SP110: variants seen among roughly 807,000 people sequenced by gnomAD.
The protein encoded by SP110 is interferon-induced protein 41, 30kD.
SP110 carries 62 observed loss-of-function variants against 92.7 expected under a neutral mutation model. That is an observed-to-expected ratio of 0.67 (90% confidence interval 0.55 to 0.83). The LOEUF is 0.83. Among genes scored for constraint, SP110 ranks in the 40% least tolerant of loss-of-function variants. The pLI is 0.00. For synonymous variants in SP110, 273 were observed against 305.3 expected (o/e 0.89, Z 1.10); for missense variants, 793 against 863.9 (o/e 0.92, Z 1.03).
intron 1 of SP110, among the ~76,000 whole-genome samples, chr2:230,217,954 C>T (rs951915738): frequency 2.6e-5 from 4 of 152,226 alleles, no homozygotes; most frequent in Admixed American, 6.5e-5. Context: ...GAAAGGCATA[C>T]TTAGTAAAAG....
At position 230,211,345 on chromosome 2, in the gene SP110, G is replaced by A. The variant is rs1383427358; in HGVS notation, c.751+125C>T. 1 of 740,912 alleles carries A rather than the reference G, an allele frequency of 1.3e-6. No homozygotes were observed. Among genetic ancestry groups the A allele is most frequent in the Non-Finnish European group, 2.5e-6 (1 of 407,628 alleles). 45.9% of individuals were successfully genotyped at this position (740,912 alleles called of 1,614,324 possible). On this transcript the variant is annotated intron_variant, in intron 6 of 18. Coordinates refer to ENST00000258381, the MANE Select transcript of SP110 (RefSeq NM_080424.4). The surrounding 1 kb of genome is among the most constrained non-coding windows in gnomAD (Gnocchi z 4.2). Reference sequence around the variant, plus strand: ...CAAGCTCCCAAGTGCTGGGTGAACTGGAAGCTGGGCCAAGATTGCTGAGAG... The same window carrying A: ...CAAGCTCCCAAGTGCTGGGTGAACTAGAAGCTGGGCCAAGATTGCTGAGAG...
In SP110 at chr2:230,166,246, A is replaced by G. The variant is rs965895895; in HGVS notation, c.*2878T>C. 2.0e-5 allele frequency among the ~76,000 whole-genome samples: 3 copies of G among 152,240 alleles called. No individual in the cohort carries two copies. The highest frequency in any genetic ancestry group is 2.9e-5 in the Non-Finnish European group (2 of 68,040). The stretch of plus-strand genomic sequence containing the variant: ...GAAATAGATGACTTCTTAGAAAAAC[A>G]TAAAAGCAGAGCTGTCTCAAAAACC... On this transcript the variant is annotated 3_prime_UTR_variant, in exon 19 of 19. Transcript: ENST00000258381.
intron 2 of SP110, among the ~76,000 whole-genome samples, chr2:230,215,325 A>G (rs2044997037): frequency 6.6e-6 from 1 of 152,196 alleles, no homozygotes; most frequent in South Asian, 2.1e-4. Context: ...GATGACTAGC[A>G]ACAAAAATAA....
At position 230,216,821 on chromosome 2, in the gene SP110, C is replaced by A. The variant is rs1040601439; in HGVS notation, c.107G>T (p.Gly36Val). The change falls in exon 2 of 19, where the codon GGC becomes GTC. Residue 36 changes from glycine to valine, a missense_variant. Coordinates refer to ENST00000258381, the MANE Select transcript of SP110 (RefSeq NM_080424.4). ...AIHKPFPFFE[G>V]LLDNSIITKR... ...AGTGATGATGGAGTTGTCTAGGAGG[C>A]CTTCAAAGAAGGGAAATGGCTTGTG... 2 of 1,614,062 alleles carry A rather than the reference C, an allele frequency of 1.2e-6. No individual in the cohort carries two copies. The highest frequency in any genetic ancestry group is 1.7e-5 in the Admixed American group (1 of 60,018).
intron 12 of SP110, among the ~76,000 whole-genome samples, chr2:230,182,689 C>G (rs1192902444): frequency 6.6e-6 from 1 of 152,090 alleles, no homozygotes; most frequent in African/African-American, 2.4e-5. Flanking sequence ...TGGTGACATC[C>G]TGTGTCTTGA....
Position 230,210,028 on chromosome 2 carries a change from T to A in SP110, c.752-20A>T, listed in dbSNP as rs1478998157. The A allele has an allele frequency of 6.9e-7, 1 of 1,446,064 alleles. No homozygotes were observed. The highest frequency in any genetic ancestry group is 1.1e-5 in the South Asian group (1 of 87,736). The allele number at this position is 1,446,064 out of a possible 1,614,324, so 89.6% of individuals were successfully genotyped here. A position where few individuals can be genotyped will look rare whatever the true frequency, so the allele number is the denominator to read the frequency against. On this transcript the variant is annotated intron_variant, in intron 6 of 18. Coordinates refer to ENST00000258381, the MANE Select transcript of SP110 (RefSeq NM_080424.4). ...TTATCTCTGACAAAAGAAATATAAG[T>A]CATTTCAGAGCTCAGATCCAGTGAA... is the stretch of plus-strand genomic sequence containing the variant.
At chr2:230,179,979 A>G (rs906657504) in intron 12 of SP110, among the ~76,000 whole-genome samples, 1 of 152,282 alleles carries the variant, frequency 6.6e-6, no homozygotes, top group Middle Eastern at 3.4e-3. Context: ...TAATAGTGCT[A>G]AGTCTGGCTC....
chr2:230,217,522 G>A (rs1322209969), intron 1 of SP110, among the ~76,000 whole-genome samples: 3 of 152,194 alleles, frequency 2.0e-5, no homozygotes, highest in African/African-American at 4.8e-5. Context: ...TATTTATGGA[G>A]TGTTTCCTGT....
rs549935334 is a variant in SP110, at chr2:230,211,721, A to G, written c.668-168T>C. Among the ~76,000 whole-genome samples, 1 of 152,306 alleles carries G rather than the reference A, an allele frequency of 6.6e-6. No homozygotes were observed. The highest frequency in any genetic ancestry group is 6.5e-5 in the Admixed American group (1 of 15,304). ...GAAAGTAAGCAACCATTCACTCTCA[A>G]TTAGCCACTTGTTCTTCCATTGCTG... On this transcript the variant is annotated intron_variant, in intron 5 of 18. Coordinates refer to ENST00000258381, the MANE Select transcript of SP110 (RefSeq NM_080424.4). The surrounding 1 kb of genome is among the most constrained non-coding windows in gnomAD (Gnocchi z 4.2).
intron 12 of SP110, among the ~76,000 whole-genome samples, chr2:230,179,519 A>AT (rs2042031994): frequency 6.6e-6 from 1 of 151,800 alleles, no homozygotes; most frequent in East Asian, 1.9e-4. Context: ...GGGGCTTGTA[A>AT]TCCTGGCTCT....
At chr2:230,171,855 C>A in intron 16 of SP110, 88 bp from the exon 17 acceptor site, 3 of 1,022,526 alleles carry the variant, frequency 2.9e-6, no homozygotes, top group Non-Finnish European at 4.7e-6. Flanking sequence ...ACGGATGGGG[C>A]AGCCAAGCCC....
rs2078487165 is a variant in SP110 at position 230,172,929 on chromosome 2, A to G, written c.1621T>C (p.Cys541Arg). The change falls in exon 15 of 19, where the codon TGT becomes CGT. Residue 541 changes from cysteine (C) to arginine (R), a missense_variant. Coordinates refer to ENST00000258381, the MANE Select transcript of SP110 (RefSeq NM_080424.4). Reference sequence around the variant, plus strand: ...CAGCAGAGAAGTTGTCCCCCTTGACAGCACACCTCGCATTCATCCGAGTTT... The same window carrying G: ...CAGCAGAGAAGTTGTCCCCCTTGACGGCACACCTCGCATTCATCCGAGTTT... The part of the protein sequence containing the change: ...RKNSDECEVC[C>R]QGGQLLCCGT... 6.2e-7 allele frequency: 1 copy of G among 1,613,998 alleles called. No individual in the cohort carries two copies. Among genetic ancestry groups the G allele is most frequent in the South Asian group, 1.1e-5 (1 of 91,088 alleles).
At position 230,212,910 on chromosome 2, in the gene SP110, G is replaced by C; in HGVS notation, c.434C>G (p.Pro145Arg). 6.2e-7 allele frequency: 1 copy of C among 1,614,116 alleles called. No individual in the cohort carries two copies. The highest frequency in any genetic ancestry group is 8.5e-7 in the Non-Finnish European group (1 of 1,180,010). Residue 145 changes from proline (P) to arginine (R), a missense_variant, in exon 4 of 19, where the codon CCT (proline) becomes CGT (arginine). By Grantham distance (103) the Pro-to-Arg change is moderately radical. Coordinates refer to ENST00000258381, the MANE Select transcript of SP110 (RefSeq NM_080424.4). ...TPLALPPPQPPQPSCSPCAPR... is the reference protein window; with the variant it reads ...TPLALPPPQPRQPSCSPCAPR... ...CGCACAGGGTGAACAGCTTGGTTGA[G>C]GGGGTTGTGGTGGGGGCAGCGCCAG...
At chr2:230,206,595 T>TATATATATATATA in intron 8 of SP110, among the ~76,000 whole-genome samples, 1 of 70,530 alleles carries the variant, frequency 1.4e-5, no homozygotes, top group South Asian at 6.2e-4. Context: ...GGTCCAGATT[T>TATATATATATATA]TATATATATA....
chr2:230,198,176 T>C (rs576581429), intron 10 of SP110, among the ~76,000 whole-genome samples: 2 of 152,250 alleles, frequency 1.3e-5, no homozygotes, highest in Non-Finnish European at 2.9e-5. Flanking sequence ...TGGTAGGTCA[T>C]GCTGCTTTGG....
chr2:230,200,903 G>T lies in SP110; in HGVS notation c.1111C>A (p.Pro371Thr), dbSNP rs200627866. 1 of 1,613,124 alleles carries T rather than the reference G, an allele frequency of 6.2e-7. No individual in the cohort carries two copies. Among genetic ancestry groups the T allele is most frequent in the Non-Finnish European group, 8.5e-7 (1 of 1,179,118 alleles). ...GKRSQKTPST[P>T]RRVTQGAASP... ...GTTTTACCTTGTGTGACCCTTCGTG[G>T]TGTACTAGGCGTCTTCTGGGACCTC... The change falls in exon 10 of 19, where the codon CCA becomes ACA. Residue 371 changes from proline to threonine, a missense_variant. Coordinates refer to ENST00000258381, the MANE Select transcript of SP110 (RefSeq NM_080424.4).
At chr2:230,197,300 T>G (rs1285564193) in intron 10 of SP110, among the ~76,000 whole-genome samples, 1 of 151,146 alleles carries the variant, frequency 6.6e-6, no homozygotes, top group Non-Finnish European at 1.5e-5. Flanking sequence ...CCAGTGATGA[T>G]GAGCATTTTT....
At chr2:230,180,815 G>A (rs2042097303) in intron 12 of SP110, among the ~76,000 whole-genome samples, 1 of 152,136 alleles carries the variant, frequency 6.6e-6, no homozygotes, top group Non-Finnish European at 1.5e-5. Flanking sequence ...CGTTTGCCGG[G>A]GCTCCTGCCT....
At position 230,219,950 on chromosome 2, in the gene SP110, C is replaced by T; in HGVS notation, c.-78G>A. The T allele has an allele frequency of 1.0e-5, 10 of 985,546 alleles. No individual in the cohort carries two copies. Among genetic ancestry groups the T allele is most frequent in the Non-Finnish European group, 1.1e-5 (9 of 829,944 alleles). 61.1% of individuals were successfully genotyped at this position (985,546 alleles called of 1,614,324 possible). ...TCACTCCTCAAGATTGGGAGAGTTA[C>T]AGGGAGATGCTAGCAGGCAAAACAG... On this transcript the variant is annotated 5_prime_UTR_variant, in exon 1 of 19. Transcript: ENST00000258381.
Sources: allele counts gnomAD v4.1 joint callset (sites outside exome capture counted in the v4.1 genomes callset), GRCh38; gene constraint gnomAD v4.1.1; non-coding constraint Gnocchi (gnomAD v3.1); transcripts MANE v1.5; gene names NCBI Gene and HGNC (gene_info 2026-07-23, HGNC 2026-07-21).